Variants in GALK2 observed in about 807,000 individuals in gnomAD.
GALK2 encodes the protein N-acetylgalactosamine kinase.
In GALK2, 36 loss-of-function variants were observed where a neutral mutation model predicts 52.4. The ratio of observed to expected loss-of-function variants is 0.69; its 90% CI spans 0.53 to 0.91. The LOEUF (loss-of-function observed/expected upper bound fraction) is 0.91, where lower values mean the gene tolerates loss of function less well. GALK2 is among the 40% of genes least tolerant of loss of function. The pLI, the probability that GALK2 is intolerant of heterozygous loss-of-function variation, is 0.00. For missense variants in GALK2, 579 were observed against 559.1 expected (o/e 1.04, Z -0.36); for synonymous variants, 176 against 199.1 (o/e 0.88, Z 0.98).
rs1012056152 is a variant in GALK2 at position 49,331,228 on chromosome 15, C to A, written c.*3069C>A. ...CAGACATATTGTACACTAGTCTCTACATGTTCTTGTCTGTTGGGAGAGAAG... is the reference window on the plus strand; with the variant it reads ...CAGACATATTGTACACTAGTCTCTAAATGTTCTTGTCTGTTGGGAGAGAAG... On this transcript the variant is annotated 3_prime_UTR_variant, in exon 10 of 10. Transcript: ENST00000560031. 2 of 152,990 alleles carry A rather than the reference C, an allele frequency of 1.3e-5. No homozygotes were observed. Among genetic ancestry groups the A allele is most frequent in the South Asian group, 4.1e-4 (2 of 4,858 alleles). The allele number at this position is 152,990 out of a possible 1,614,324, so 9.5% of individuals were successfully genotyped here.
intron 8 of GALK2, among the ~76,000 whole-genome samples, chr15:49,312,738 AG>A (rs2036096582): frequency 6.6e-6 from 1 of 152,224 alleles, no homozygotes; most frequent in South Asian, 2.1e-4. Flanking sequence ...AATGTGTAAA[AG>A]GCACAGTGCA....
At chr15:49,363,829 T>G (rs1251748093) in intron 3 of GALK2, among the ~76,000 whole-genome samples, 1 of 152,162 alleles carries the variant, frequency 6.6e-6, no homozygotes. Flanking sequence ...CATGAAGGGA[T>G]GTTGAATTGT....
chr15:49,308,841 A>C (rs943757362), intron 8 of GALK2, among the ~76,000 whole-genome samples: 7 of 152,220 alleles, frequency 4.6e-5, no homozygotes, highest in Admixed American at 2.0e-4. Flanking sequence ...AGAAGACTCA[A>C]ATAGTTGTGG....
chr15:49,166,281 A>G (rs2084819792), upstream of GALK2, among the ~76,000 whole-genome samples: 1 of 152,142 alleles, frequency 6.6e-6, no homozygotes, highest in Admixed American at 6.5e-5. Flanking sequence ...TCACTCTGCA[A>G]AACAATCTAT....
At chr15:49,181,976 A>G (rs369984660) in intron 1 of GALK2, among the ~76,000 whole-genome samples, 3 of 152,290 alleles carry the variant, frequency 2.0e-5, no homozygotes, top group Middle Eastern at 3.4e-3. Context: ...TCAAGCATTT[A>G]TCATTTCTTT....
intron 1 of GALK2, among the ~76,000 whole-genome samples, chr15:49,185,078 T>G (rs950128558): frequency 1.3e-5 from 2 of 152,136 alleles, no homozygotes; most frequent in African/African-American, 2.4e-5. Flanking sequence ...TATCCTGTCA[T>G]TCAGGTAATA....
intron 8 of GALK2, among the ~76,000 whole-genome samples, chr15:49,315,707 C>T (rs953767947): frequency 3.3e-5 from 5 of 152,188 alleles, no homozygotes; most frequent in Middle Eastern, 3.2e-3. Flanking sequence ...ATCTCTCATG[C>T]ACCTTCAGAA....
At chr15:49,184,714 A>T (rs1595917817) in intron 1 of GALK2, among the ~76,000 whole-genome samples, 1 of 152,228 alleles carries the variant, frequency 6.6e-6, no homozygotes, top group Non-Finnish European at 1.5e-5. Context: ...AACACCAATT[A>T]CAAAAAGAAA....
intron 7 of GALK2, among the ~76,000 whole-genome samples, chr15:49,290,068 A>G (rs927856151): frequency 2.0e-5 from 3 of 152,182 alleles, no homozygotes; most frequent in Admixed American, 6.6e-5. Flanking sequence ...GAAAGTTGTG[A>G]CAAAATAACC....
chr15:49,204,013 G>T (rs752948159), intron 2 of GALK2, among the ~76,000 whole-genome samples: 24 of 151,744 alleles, frequency 1.6e-4, no homozygotes, highest in Non-Finnish European at 2.8e-4. Flanking sequence ...TACGCAGGGG[G>T]CTGAGGCACG....
At chr15:49,189,426 C>G (rs2086574589) in intron 1 of GALK2, among the ~76,000 whole-genome samples, 1 of 152,108 alleles carries the variant, frequency 6.6e-6, no homozygotes, top group South Asian at 2.1e-4. Context: ...CATCCCAAGA[C>G]CCCTCAGTAG....
intron 1 of GALK2, among the ~76,000 whole-genome samples, chr15:49,162,555 G>T (rs1156877637): frequency 1.9e-4 from 29 of 152,132 alleles, no homozygotes; most frequent in Non-Finnish European, 7.3e-5. Context: ...ATAATTCTTT[G>T]CTTTTTGAGC....
At chr15:49,366,156 C>T (rs2045143834) in intron 3 of GALK2, 1 of 953,236 alleles carries the variant, frequency 1.0e-6, no homozygotes, top group Non-Finnish European at 1.7e-6. Context: ...ACAGCAATTA[C>T]AAAAATAACC....
At position 49,330,765 on chromosome 15, in the gene GALK2, A is replaced by C. The variant is rs1180822116; in HGVS notation, c.*2606A>C. 6.6e-6 allele frequency: 1 copy of C among 151,816 alleles called. No homozygotes were observed. The highest frequency in any genetic ancestry group is 1.5e-5 in the Non-Finnish European group (1 of 67,944). 9.4% of individuals were successfully genotyped at this position (151,816 alleles called of 1,614,324 possible). On this transcript the variant is annotated 3_prime_UTR_variant, in exon 10 of 10. Transcript: ENST00000560031. ...GACCAAAAAAAAAAAAAAAGAGAGA[A>C]AGAATGAATATTTTTGTGTGTGGAT...
chr15:49,184,467 T>C (rs1322228973), intron 1 of GALK2, among the ~76,000 whole-genome samples: 1 of 152,214 alleles, frequency 6.6e-6, no homozygotes, highest in African/African-American at 2.4e-5. Flanking sequence ...GCTGAGTCCA[T>C]TTACGTTCAA....
chr15:49,219,934 T>A (rs1247120664), intron 3 of GALK2, among the ~76,000 whole-genome samples: 1 of 152,224 alleles, frequency 6.6e-6, no homozygotes, highest in African/African-American at 2.4e-5. Flanking sequence ...TTCAAGTTTT[T>A]AAATTTCTCT....
At chr15:49,230,499 TTC>T (rs2090441012) in intron 3 of GALK2, among the ~76,000 whole-genome samples, 1 of 152,208 alleles carries the variant, frequency 6.6e-6, no homozygotes, top group Non-Finnish European at 1.5e-5. Context: ...GAATTCAGTG[TTC>T]TCTCTTACAT....
intron 1 of GALK2, among the ~76,000 whole-genome samples, chr15:49,179,846 T>A (rs2085824327): frequency 6.6e-6 from 1 of 152,076 alleles, no homozygotes; most frequent in South Asian, 2.1e-4. Flanking sequence ...AGACACAAGG[T>A]CTTGTTGGTA....
chr15:49,280,112 T>G (rs1377859748), intron 5 of GALK2, among the ~76,000 whole-genome samples: 1 of 152,072 alleles, frequency 6.6e-6, no homozygotes, highest in Non-Finnish European at 1.5e-5. Flanking sequence ...ACACCATACT[T>G]TATTCATCTC....
Sources: allele counts gnomAD v4.1 joint callset (sites outside exome capture counted in the v4.1 genomes callset), GRCh38; gene constraint gnomAD v4.1.1; transcripts MANE v1.5; gene names NCBI Gene and HGNC (gene_info 2026-07-23, HGNC 2026-07-21).